Variants in SEMA3A observed in about 807,000 individuals in gnomAD.
SEMA3A encodes semaphorin-3A.
A neutral mutation model predicts 97.9 loss-of-function variants in SEMA3A; 29 were observed. The observed-to-expected ratio is 0.30, with a 90% CI of 0.22 to 0.40. The LOEUF is 0.40. SEMA3A is among the 10% of genes least tolerant of loss of function. SEMA3A has a pLI of 1.00. For synonymous variants in SEMA3A, 321 were observed against 323.7 expected, an observed-to-expected ratio of 0.99 and a Z score of 0.09; for missense variants, 763 against 951.3, an observed-to-expected ratio of 0.80 and a Z score of 2.60.
chr7:84,104,643 T>C (rs971899218), intron 4 of SEMA3A, among the ~76,000 whole-genome samples: 4 of 152,142 alleles, frequency 2.6e-5, no homozygotes, highest in African/African-American at 9.7e-5. Context: ...CATTTTGAAA[T>C]TTTTTTATTG....
At chr7:84,468,202 A>G (rs574939519) in intron 1 of SEMA3A, among the ~76,000 whole-genome samples, 1 of 152,244 alleles carries the variant, frequency 6.6e-6, no homozygotes, top group East Asian at 1.9e-4. Context: ...TCTTCCCCCC[A>G]CATTTTGGGA....
intron 6 of SEMA3A, among the ~76,000 whole-genome samples, chr7:84,028,849 G>A (rs1791638483): frequency 6.6e-6 from 1 of 152,070 alleles, no homozygotes; most frequent in African/African-American, 2.4e-5. Flanking sequence ...TCAATCTCCT[G>A]ACCTCGTGAT....
chr7:84,275,746 G>C (rs1800277266), intron 3 of SEMA3A, among the ~76,000 whole-genome samples: 1 of 151,918 alleles, frequency 6.6e-6, no homozygotes, highest in South Asian at 2.1e-4. Context: ...GCTAGTCTAA[G>C]TTGAGAATTA....
intron 1 of SEMA3A, among the ~76,000 whole-genome samples, chr7:84,397,028 C>T (rs953865610): frequency 1.3e-5 from 2 of 151,928 alleles, no homozygotes; most frequent in Non-Finnish European, 2.9e-5. Context: ...TAAATGGCAA[C>T]ATGACAATTT....
At chr7:84,217,138 A>G (rs1207780017) in intron 3 of SEMA3A, among the ~76,000 whole-genome samples, 1 of 152,206 alleles carries the variant, frequency 6.6e-6, no homozygotes, top group Non-Finnish European at 1.5e-5. Flanking sequence ...TGTGTATTTT[A>G]TATCCTCCTG....
chr7:84,318,662 G>A (rs905798061), intron 2 of SEMA3A, among the ~76,000 whole-genome samples: 6 of 152,138 alleles, frequency 3.9e-5, no homozygotes, highest in African/African-American at 1.4e-4. Context: ...ATAGAACAGA[G>A]CTGATGGATC....
At chr7:84,481,096 A>T (rs560681581) in intron 1 of SEMA3A, among the ~76,000 whole-genome samples, 1 of 152,300 alleles carries the variant, frequency 6.6e-6, no homozygotes, top group South Asian at 2.1e-4. Context: ...GATAAAGCTC[A>T]TGACACTTGA....
intron 2 of SEMA3A, among the ~76,000 whole-genome samples, chr7:84,336,164 A>G (rs935089938): frequency 9.9e-5 from 15 of 152,186 alleles, no homozygotes; most frequent in Admixed American, 5.2e-4. Context: ...TAAATATTAC[A>G]ATGACTATAG....
chr7:84,167,130 T>C (rs1417082995), intron 1 of SEMA3A, among the ~76,000 whole-genome samples: 1 of 152,108 alleles, frequency 6.6e-6, no homozygotes, highest in Non-Finnish European at 1.5e-5. Flanking sequence ...GAGGAATCAT[T>C]GCAGAGGAAA....
chr7:84,271,297 C>T (rs1800146617), intron 3 of SEMA3A, among the ~76,000 whole-genome samples: 1 of 152,056 alleles, frequency 6.6e-6, no homozygotes, highest in Admixed American at 6.6e-5. Flanking sequence ...ACGCAATCCT[C>T]CCACCTCAGC....
At chr7:84,127,967 A>T (rs1795852636) in intron 3 of SEMA3A, among the ~76,000 whole-genome samples, 1 of 151,706 alleles carries the variant, frequency 6.6e-6, no homozygotes, top group Admixed American at 6.6e-5. Context: ...ATTATATAAA[A>T]TTATATATTT....
At chr7:84,040,914 C>T (rs2116486989) in intron 6 of SEMA3A, among the ~76,000 whole-genome samples, 1 of 152,130 alleles carries the variant, frequency 6.6e-6, no homozygotes, top group Admixed American at 6.6e-5. Flanking sequence ...GCAGGATTAC[C>T]TTGAGAAAAT....
rs1007229379 is a variant in SEMA3A, at chr7:83,984,113, A to G, written c.1494+1323T>C. Among the ~76,000 whole-genome samples the G allele has an allele frequency of 2.0e-5, 3 of 152,186 alleles. No individual in the cohort carries two copies. The East Asian group carries it at 5.8e-4, about 29-fold the overall frequency. On this transcript the variant is annotated intron_variant, in intron 13 of 16. Transcript: ENST00000265362. ...TTTTTTAAACAGATTTAAAAATGTA[A>G]AACAGAAAGAAATGGTTTACAAAAA... is the stretch of plus-strand genomic sequence containing the variant.
At chr7:83,990,831 A>G (rs1357622789) in intron 12 of SEMA3A, among the ~76,000 whole-genome samples, 2 of 144,626 alleles carry the variant, frequency 1.4e-5, no homozygotes, top group African/African-American at 5.1e-5. Context: ...TGAACTTTAA[A>G]GTAGTTTTTT....
At chr7:84,077,739 C>A (rs1350113558) in intron 4 of SEMA3A, among the ~76,000 whole-genome samples, 3 of 151,862 alleles carry the variant, frequency 2.0e-5, no homozygotes, top group African/African-American at 7.3e-5. Flanking sequence ...AGCGATAATG[C>A]ACATTTTAGA....
At chr7:84,284,958 A>G (rs544214278) in intron 3 of SEMA3A, among the ~76,000 whole-genome samples, 2 of 152,284 alleles carry the variant, frequency 1.3e-5, no homozygotes, top group East Asian at 3.9e-4. Context: ...TTGCAATTAG[A>G]TGAAAATCAA....
At chr7:84,280,278 C>A (rs940386941) in intron 3 of SEMA3A, among the ~76,000 whole-genome samples, 2 of 152,138 alleles carry the variant, frequency 1.3e-5, no homozygotes, top group Non-Finnish European at 2.9e-5. Flanking sequence ...ATGTCCACAG[C>A]ATGCTTTATA....
chr7:83,989,402 G>A (rs1246809134), intron 12 of SEMA3A, among the ~76,000 whole-genome samples: 1 of 150,586 alleles, frequency 6.6e-6, no homozygotes, highest in African/African-American at 2.4e-5. Context: ...GTGCCATGCT[G>A]GTGCACTGCA....
chr7:84,341,395 C>A (rs1802163865), intron 2 of SEMA3A, among the ~76,000 whole-genome samples: 1 of 151,898 alleles, frequency 6.6e-6, no homozygotes, highest in Non-Finnish European at 1.5e-5. Context: ...GGTTTTCCAC[C>A]TTTTAGAAAA....
Sources: allele counts gnomAD v4.1 joint callset (sites outside exome capture counted in the v4.1 genomes callset), GRCh38; gene constraint gnomAD v4.1.1; transcripts MANE v1.5; gene names NCBI Gene and HGNC (gene_info 2026-07-23, HGNC 2026-07-21).